The following GPR158 variants were observed in gnomAD, a reference collection of about 807,000 sequenced individuals.
The protein encoded by GPR158 is G protein-coupled receptor 158, also known as metabotropic glycine receptor.
GPR158 carries 30 observed loss-of-function variants against 78.2 expected under a neutral mutation model. The observed-to-expected ratio is 0.38, with a 90% confidence interval of 0.29 to 0.52. The LOEUF (loss-of-function observed/expected upper bound fraction) is 0.52. GPR158 is among the 20% of genes least tolerant of loss of function. GPR158 has a pLI of 0.83. For missense variants in GPR158, 1,463 were observed against 1,523.5 expected (o/e 0.96, Z 0.66); for synonymous variants, 581 against 591.1 (o/e 0.98, Z 0.25).
At chr10:25,565,154 G>A (rs1836911924) in intron 6 of GPR158, among the ~76,000 whole-genome samples, 1 of 152,082 alleles carries the variant, frequency 6.6e-6, no homozygotes, top group Admixed American at 6.6e-5. Flanking sequence ...TTTCTTGTTG[G>A]TCATAACCGT....
At chr10:25,233,367 A>G (rs1264990313) in intron 2 of GPR158, among the ~76,000 whole-genome samples, 2 of 151,470 alleles carry the variant, frequency 1.3e-5, no homozygotes, top group African/African-American at 4.8e-5. Flanking sequence ...TGTTTTATGC[A>G]TGCAAAAGCA....
chr10:25,206,333 A>G (rs2130662719), intron 1 of GPR158, among the ~76,000 whole-genome samples: 1 of 152,272 alleles, frequency 6.6e-6, no homozygotes, highest in African/African-American at 2.4e-5. Context: ...ATAGTTGATT[A>G]AATATAAGAA....
chr10:25,272,773 T>TG (rs1347546365), intron 2 of GPR158, among the ~76,000 whole-genome samples: 1 of 152,198 alleles, frequency 6.6e-6, no homozygotes, highest in African/African-American at 2.4e-5. Flanking sequence ...GGAAAAACGT[T>TG]GGCTGCTTTT....
chr10:25,497,934 C>T (rs1372341389), intron 5 of GPR158, among the ~76,000 whole-genome samples: 2 of 152,156 alleles, frequency 1.3e-5, no homozygotes, highest in African/African-American at 4.8e-5. Context: ...AATAATTTAA[C>T]GTTGCTGGGT....
At chr10:25,230,703 G>A (rs1464569159) in intron 2 of GPR158, among the ~76,000 whole-genome samples, 1 of 152,108 alleles carries the variant, frequency 6.6e-6, no homozygotes, top group Non-Finnish European at 1.5e-5. Context: ...ACTGCAGAAG[G>A]CTCTGTTTAC....
chr10:25,490,036 A>C (rs74124016), intron 5 of GPR158, among the ~76,000 whole-genome samples: 3,772 of 152,242 alleles, frequency 0.025, 168 homozygotes, highest in African/African-American at 0.085. Context: ...TACTAGCTAA[A>C]ATATATCAGA....
intron 2 of GPR158, among the ~76,000 whole-genome samples, chr10:25,371,461 T>C (rs1161580387): frequency 5.3e-5 from 8 of 151,630 alleles, no homozygotes; most frequent in East Asian, 2.0e-4. Context: ...AACTATACTA[T>C]AAGGCTACAG....
At chr10:25,409,389 A>C (rs147234511) in intron 3 of GPR158, among the ~76,000 whole-genome samples, 11 of 152,266 alleles carry the variant, frequency 7.2e-5, no homozygotes, top group African/African-American at 2.4e-4. Flanking sequence ...TGATCTGACA[A>C]ATCATCTTGT....
chr10:25,530,285 C>T lies in GPR158; in HGVS notation c.1405-20691C>T, dbSNP rs373336323. Reference sequence around the variant, plus strand: ...ATATGTGGGCATATTTTAATGCCAGCGTGAATCTGGTTACGGCACCAAGAA... The same window carrying T: ...ATATGTGGGCATATTTTAATGCCAGTGTGAATCTGGTTACGGCACCAAGAA... On this transcript the variant is annotated intron_variant, in intron 5 of 10. Coordinates refer to ENST00000376351, the MANE Select transcript of GPR158 (RefSeq NM_020752.3). Among the ~76,000 whole-genome samples the T allele has an allele frequency of 2.6e-5, 4 of 152,126 alleles. No individual in the cohort carries two copies. In the East Asian group the frequency reaches 7.7e-4, roughly 29 times the overall value.
intron 4 of GPR158, among the ~76,000 whole-genome samples, chr10:25,415,569 C>T (rs963471755): frequency 1.3e-5 from 2 of 152,012 alleles, no homozygotes; most frequent in African/African-American, 4.8e-5. Flanking sequence ...TGGTACAGCC[C>T]TTTTGGAAAA....
intron 2 of GPR158, among the ~76,000 whole-genome samples, chr10:25,260,736 CT>C (rs995970809): frequency 8.6e-5 from 13 of 152,000 alleles, no homozygotes; most frequent in Non-Finnish European, 1.8e-4. Flanking sequence ...CCATATGTAG[CT>C]GATTAACACT....
intron 9 of GPR158, 130 bp from the exon 10 acceptor site, chr10:25,596,513 A>ATATATC: frequency 1.6e-6 from 1 of 625,012 alleles, no homozygotes; most frequent in Non-Finnish European, 2.8e-6. Flanking sequence ...CTATCTATAT[A>ATATATC]TATAGATAGA....
chr10:25,561,726 A>C (rs1836863255), intron 6 of GPR158, among the ~76,000 whole-genome samples: 2 of 150,088 alleles, frequency 1.3e-5, no homozygotes, highest in South Asian at 4.2e-4. Context: ...GTTAATATTA[A>C]GGTCTGATTT....
At chr10:25,530,098 T>C (rs1462072307) in intron 5 of GPR158, among the ~76,000 whole-genome samples, 1 of 151,956 alleles carries the variant, frequency 6.6e-6, no homozygotes, top group Non-Finnish European at 1.5e-5. Flanking sequence ...AGGCGGGAGA[T>C]GGGTGGCAGC....
chr10:25,504,306 A>C (rs1835982338), intron 5 of GPR158, among the ~76,000 whole-genome samples: 1 of 152,208 alleles, frequency 6.6e-6, no homozygotes, highest in Admixed American at 6.5e-5. Context: ...GAATAAGTGA[A>C]TTAGTGGGGC....
chr10:25,304,157 C>T lies in GPR158; in HGVS notation c.1008+83000C>T, dbSNP rs188442926. On this transcript the variant is annotated intron_variant, in intron 2 of 10. Coordinates refer to ENST00000376351, the MANE Select transcript of GPR158 (RefSeq NM_020752.3). ...TTGTTTTTGTTTTTTGTTTTTTTTT[C>T]GCCCAAAAGCTACTGTGTGGCAGAC... 7.6e-5 allele frequency among the ~76,000 whole-genome samples: 11 copies of T among 145,506 alleles called. No homozygotes were observed. In the South Asian group the frequency reaches 1.1e-3, roughly 14 times the overall value.
intron 1 of GPR158, among the ~76,000 whole-genome samples, chr10:25,185,964 A>G (rs1165698786): frequency 6.6e-6 from 1 of 152,224 alleles, no homozygotes; most frequent in Non-Finnish European, 1.5e-5. Context: ...TTGACCACAT[A>G]GTTGGAAGTA....
intron 2 of GPR158, among the ~76,000 whole-genome samples, chr10:25,326,048 C>T (rs1855026212): frequency 6.6e-6 from 1 of 152,004 alleles, no homozygotes; most frequent in Non-Finnish European, 1.5e-5. Context: ...ACAGGTGATC[C>T]CATCACCTAC....
intron 5 of GPR158, among the ~76,000 whole-genome samples, chr10:25,514,948 T>C (rs1324071706): frequency 3.9e-5 from 6 of 152,166 alleles, no homozygotes; most frequent in Non-Finnish European, 7.3e-5. Context: ...CTCTTAAGAT[T>C]TTTTCCTTCA....
Sources: allele counts gnomAD v4.1 joint callset (sites outside exome capture counted in the v4.1 genomes callset), GRCh38; gene constraint gnomAD v4.1.1; transcripts MANE v1.5; gene names NCBI Gene and HGNC (gene_info 2026-07-23, HGNC 2026-07-21).